The following IL1RAPL2 variants were observed in gnomAD, a reference collection of about 807,000 sequenced individuals.
IL1RAPL2 encodes the protein interleukin 1 receptor accessory protein like 2, also known as X-linked interleukin-1 receptor accessory protein-like 2.
IL1RAPL2 carries 3 observed loss-of-function variants against 44.1 expected under a neutral mutation model. The ratio of observed to expected loss-of-function variants is 0.07; its 90% confidence interval spans 0.03 to 0.18. The LOEUF (loss-of-function observed/expected upper bound fraction) is 0.18, where lower values mean the gene tolerates loss of function less well. IL1RAPL2 is among the 10% of genes least tolerant of loss of function. The pLI, the probability that IL1RAPL2 is intolerant of heterozygous loss-of-function variation, is 1.00. For synonymous variants in IL1RAPL2, 181 were observed against 178.8 expected (o/e 1.01, Z -0.10); for missense variants, 391 against 496.4 (o/e 0.79, Z 2.02).
chrX:105,297,460 T>C (rs1256356548), intron 5 of IL1RAPL2, among the ~76,000 whole-genome samples: 9 of 111,250 alleles, frequency 8.1e-5, no homozygotes, highest in Non-Finnish European at 1.7e-4. Context: ...TTTAATTGAC[T>C]CAGAGTTCTG....
At chrX:104,870,913 G>T (rs1046630098) in intron 2 of IL1RAPL2, among the ~76,000 whole-genome samples, 1 of 110,637 alleles carries the variant, frequency 9.0e-6, no homozygotes, top group African/African-American at 3.3e-5. Flanking sequence ...ATCTCTTATT[G>T]GTAAGTGACA....
intron 7 of IL1RAPL2, among the ~76,000 whole-genome samples, chrX:105,740,266 G>C (rs1252149845): frequency 9.0e-6 from 1 of 111,703 alleles, no homozygotes; most frequent in Non-Finnish European, 1.9e-5. Context: ...CCGCTAGCAA[G>C]ACTAATAAAG....
intron 1 of IL1RAPL2, among the ~76,000 whole-genome samples, chrX:104,615,435 G>A (rs893553656): frequency 9.9e-6 from 1 of 101,424 alleles, no homozygotes; most frequent in Non-Finnish European, 2.0e-5. Flanking sequence ...GTGTCCACGT[G>A]TTCTCATTGT....
chrX:105,292,726 A>C (rs1404810248), intron 5 of IL1RAPL2, among the ~76,000 whole-genome samples: 1 of 111,673 alleles, frequency 9.0e-6, no homozygotes, highest in Non-Finnish European at 1.9e-5. Context: ...AAATTATTAA[A>C]TATTTTAAAT....
chrX:105,414,748 C>T, intron 5 of IL1RAPL2, among the ~76,000 whole-genome samples: 1 of 112,074 alleles, frequency 8.9e-6, no homozygotes, highest in Non-Finnish European at 1.9e-5. Context: ...ATTTTGCTGC[C>T]TCATTCATAG....
At chrX:105,042,172 G>T (rs1297789942) in intron 2 of IL1RAPL2, among the ~76,000 whole-genome samples, 2 of 110,688 alleles carry the variant, frequency 1.8e-5, no homozygotes, top group African/African-American at 6.6e-5. Flanking sequence ...CATTGGCAAG[G>T]ACTTCATGTC....
intron 2 of IL1RAPL2, among the ~76,000 whole-genome samples, chrX:105,022,408 A>G (rs1283221525): frequency 9.0e-6 from 1 of 111,475 alleles, no homozygotes; most frequent in African/African-American, 3.3e-5. Context: ...CCTCTTTTCT[A>G]AAGGATTCAC....
chrX:104,811,986 C>T, intron 2 of IL1RAPL2, among the ~76,000 whole-genome samples: 1 of 110,925 alleles, frequency 9.0e-6, no homozygotes, highest in Admixed American at 9.6e-5. Flanking sequence ...AGAAATGTCT[C>T]TTGTCTCCCA....
At chrX:105,027,528 A>G (rs773884785) in intron 2 of IL1RAPL2, among the ~76,000 whole-genome samples, 7 of 112,195 alleles carry the variant, frequency 6.2e-5, no homozygotes, top group Non-Finnish European at 1.3e-4. Context: ...ATTTGAATAG[A>G]CATTTCCCAA....
chrX:104,621,964 T>A (rs1158239244), intron 1 of IL1RAPL2, among the ~76,000 whole-genome samples: 2 of 111,262 alleles, frequency 1.8e-5, no homozygotes, highest in Non-Finnish European at 3.8e-5. Flanking sequence ...GTTCTTTTCA[T>A]GTAAAGACAT....
chrX:104,762,065 T>C (rs1226201627), intron 2 of IL1RAPL2, among the ~76,000 whole-genome samples: 1 of 107,493 alleles, frequency 9.3e-6, no homozygotes. Context: ...TGGTGCAATC[T>C]CAGCTCACTG....
intron 2 of IL1RAPL2, among the ~76,000 whole-genome samples, chrX:105,004,711 T>C (rs1354864846): frequency 9.0e-6 from 1 of 111,028 alleles, no homozygotes; most frequent in East Asian, 2.8e-4. Flanking sequence ...ATGAAAATGT[T>C]GAGAGACCCT....
chrX:104,961,029 T>C (rs1341691747), intron 2 of IL1RAPL2, among the ~76,000 whole-genome samples: 1 of 111,577 alleles, frequency 9.0e-6, no homozygotes, highest in African/African-American at 3.3e-5. Context: ...TGCTTTGAAT[T>C]TGAAAAATGC....
intron 5 of IL1RAPL2, among the ~76,000 whole-genome samples, chrX:105,358,439 G>A (rs748125180): frequency 1.3e-4 from 14 of 108,521 alleles, no homozygotes; most frequent in African/African-American, 4.7e-4. Flanking sequence ...ACTCTGGAAG[G>A]CCGAGGCAGG....
intron 2 of IL1RAPL2, among the ~76,000 whole-genome samples, chrX:105,078,363 C>A: frequency 9.0e-6 from 1 of 111,430 alleles, no homozygotes; most frequent in Non-Finnish European, 1.9e-5. Context: ...TGGTGAACTG[C>A]AAATGCTGCT....
intron 6 of IL1RAPL2, among the ~76,000 whole-genome samples, chrX:105,545,422 G>C (rs2147800031): frequency 8.9e-6 from 1 of 112,391 alleles, no homozygotes; most frequent in East Asian, 2.8e-4. Flanking sequence ...CTGGTAGAAA[G>C]AAAGTGACTA....
intron 2 of IL1RAPL2, among the ~76,000 whole-genome samples, chrX:105,025,686 T>A (rs868848255): frequency 6.3e-5 from 7 of 111,527 alleles, no homozygotes; most frequent in African/African-American, 2.3e-4. Context: ...ACTGTGTTCA[T>A]ATATTATTTA....
intron 2 of IL1RAPL2, among the ~76,000 whole-genome samples, chrX:105,127,834 GAC>G (rs2032989160): frequency 9.0e-6 from 1 of 110,833 alleles, no homozygotes; most frequent in Admixed American, 9.6e-5. Context: ...GTTTGGAAGA[GAC>G]AGACAAATGA....
intron 10 of IL1RAPL2, among the ~76,000 whole-genome samples, chrX:105,758,722 C>A: frequency 8.9e-6 from 1 of 112,083 alleles, no homozygotes; most frequent in East Asian, 2.8e-4. Flanking sequence ...GGCAAGAATT[C>A]TTACTTTCCA....
Sources: gnomAD v4.1 joint callset for allele counts (sites outside exome capture counted in the v4.1 genomes callset) on GRCh38, gnomAD v4.1.1 for gene constraint, MANE v1.5 for transcripts, NCBI Gene and HGNC (gene_info 2026-07-23, HGNC 2026-07-21) for gene names.